The following SH3GLB1 variants were observed in gnomAD, a reference collection of about 807,000 sequenced individuals.
SH3GLB1 encodes the protein SH3 domain containing GRB2 like, endophilin B1.
Under a neutral mutation model 42.0 loss-of-function variants are expected in SH3GLB1, and 17 were observed. That is an observed-to-expected ratio of 0.40 (90% CI 0.28 to 0.61). SH3GLB1 has a LOEUF of 0.61. Ranked by LOEUF, SH3GLB1 falls within the 20% of genes least tolerant of loss-of-function variation. SH3GLB1 has a pLI of 0.36. For missense variants in SH3GLB1, 355 were observed against 426.3 expected (o/e 0.83, Z 1.47); for synonymous variants, 132 against 146.6 (o/e 0.90, Z 0.72).
Position 86,724,388 on chromosome 1 carries a change from G to A in SH3GLB1, c.553G>A (p.Ala185Thr). ...AACGAGACTAAAAAAGGCAAAAGCT[G>A]CAGAAACTAGAAATTCAGTAAGTAA... ...AKTRLKKAKA[A>T]ETRNSSEQEL... is the part of the protein sequence containing the mutation. The change falls in exon 5 of 9, where the codon GCA (alanine) becomes ACA (threonine). Residue 185 changes from alanine to threonine, a missense_variant. Physicochemically the swap from Ala to Thr is moderately conservative, Grantham distance 58. Coordinates refer to ENST00000370558, the MANE Select transcript of SH3GLB1 (RefSeq NM_016009.5). 1 of 1,599,970 alleles carries A rather than the reference G, an allele frequency of 6.3e-7. No homozygotes were observed. Among genetic ancestry groups the A allele is most frequent in the African/African-American group, 1.4e-5 (1 of 73,998 alleles).
chr1:86,711,052 A>G (rs187357811), intron 1 of SH3GLB1, among the ~76,000 whole-genome samples: 1 of 152,348 alleles, frequency 6.6e-6, no homozygotes, highest in African/African-American at 2.4e-5. Context: ...AGAACAGCCA[A>G]AATTGGGAAC....
At chr1:86,717,489 G>A (rs1654601898) in intron 2 of SH3GLB1, among the ~76,000 whole-genome samples, 2 of 151,620 alleles carry the variant, frequency 1.3e-5, no homozygotes, top group South Asian at 4.2e-4. Context: ...GTGTGATCTT[G>A]GTTCACTGCA....
Position 86,745,187 on chromosome 1 carries a change from T to G in SH3GLB1, c.*1952T>G, listed in dbSNP as rs1258711717. On this transcript the variant is annotated 3_prime_UTR_variant, in exon 9 of 9. Coordinates refer to ENST00000370558, the MANE Select transcript of SH3GLB1 (RefSeq NM_016009.5). ...CAGTCTTCCTCACATATTGTGCTCTTTAAGCTTCAAATGAGATGTATAACT... is the reference window on the plus strand; with the variant it reads ...CAGTCTTCCTCACATATTGTGCTCTGTAAGCTTCAAATGAGATGTATAACT... 1 of 152,218 alleles carries G rather than the reference T, an allele frequency of 6.6e-6. No individual in the cohort carries two copies. The highest frequency in any genetic ancestry group is 1.5e-5 in the Non-Finnish European group (1 of 68,042). The allele number at this position is 152,218 out of a possible 1,614,324, so 9.4% of individuals were successfully genotyped here.
At chr1:86,715,156 C>G (rs1322339182) in intron 1 of SH3GLB1, among the ~76,000 whole-genome samples, 2 of 152,068 alleles carry the variant, frequency 1.3e-5, no homozygotes. Context: ...AAGACATAAA[C>G]CACAATAAAC....
intron 5 of SH3GLB1, among the ~76,000 whole-genome samples, chr1:86,733,792 G>C (rs961811508): frequency 6.6e-6 from 1 of 152,134 alleles, no homozygotes; most frequent in Non-Finnish European, 1.5e-5. Context: ...TCTCTTCCCA[G>C]CTCCACAGTG....
intron 1 of SH3GLB1, among the ~76,000 whole-genome samples, chr1:86,714,895 C>T (rs912282318): frequency 1.3e-5 from 2 of 152,154 alleles, no homozygotes; most frequent in African/African-American, 4.8e-5. Context: ...CTTTTTACTG[C>T]TTTATTATTA....
At chr1:86,727,142 C>A (rs1655243444) in intron 5 of SH3GLB1, among the ~76,000 whole-genome samples, 1 of 151,896 alleles carries the variant, frequency 6.6e-6, no homozygotes, top group Non-Finnish European at 1.5e-5. Flanking sequence ...GATGTAAAAT[C>A]TCTGCCGCCC....
chr1:86,736,564 A>G (rs778723629), intron 7 of SH3GLB1, among the ~76,000 whole-genome samples: 3 of 152,222 alleles, frequency 2.0e-5, no homozygotes, highest in Admixed American at 6.5e-5. Context: ...AAGAAGCCTT[A>G]GTACTTTTTT....
intron 5 of SH3GLB1, among the ~76,000 whole-genome samples, chr1:86,729,317 G>A (rs746564516): frequency 6.6e-5 from 10 of 152,060 alleles, no homozygotes; most frequent in Non-Finnish European, 1.3e-4. Flanking sequence ...TAAACCAAAA[G>A]CAGGAAAGTA....
chr1:86,718,694 C>T (rs1654694896), intron 2 of SH3GLB1, among the ~76,000 whole-genome samples: 1 of 152,096 alleles, frequency 6.6e-6, no homozygotes, highest in South Asian at 2.1e-4. Flanking sequence ...AAACTTAAGC[C>T]ATTTTTTCAC....
chr1:86,743,085 T>C, intron 8 of SH3GLB1, 43 bp from the exon 9 acceptor site: 1 of 1,465,316 alleles, frequency 6.8e-7, no homozygotes, highest in Non-Finnish European at 9.5e-7. Context: ...TACTTGTTTA[T>C]TTTTTTAATG....
rs1241045979 is a variant in SH3GLB1 at position 86,747,521 on chromosome 1, A to T, written c.*4286A>T. The T allele has an allele frequency of 1.3e-5, 2 of 152,178 alleles. No homozygotes were observed. Among genetic ancestry groups the T allele is most frequent in the Admixed American group, 6.5e-5 (1 of 15,282 alleles). 9.4% of individuals were successfully genotyped at this position (152,178 alleles called of 1,614,324 possible). ...CTTAACCAACAACAGTGCCCTGTCC[A>T]TGTAGGGGAAACTTCTGGGCTGTAT... is the stretch of plus-strand genomic sequence containing the variant. On this transcript the variant is annotated 3_prime_UTR_variant, in exon 9 of 9. Transcript: ENST00000370558.
At chr1:86,718,740 A>G (rs1654698354) in intron 2 of SH3GLB1, among the ~76,000 whole-genome samples, 2 of 152,246 alleles carry the variant, frequency 1.3e-5, no homozygotes, top group African/African-American at 4.8e-5. Context: ...ACAGCATTGT[A>G]AATGTTAATA....
Position 86,742,436 on chromosome 1 carries a change from G to T in SH3GLB1, c.990G>T (p.Glu330Asp), listed in dbSNP as rs757714891. The T allele has an allele frequency of 4.3e-6, 7 of 1,611,598 alleles. No homozygotes were observed. The highest frequency in any genetic ancestry group is 5.9e-6 in the Non-Finnish European group (7 of 1,177,782). ...NSTELSLLAD[E>D]VITVFSVVGM... Reference sequence around the variant, plus strand: ...CTGAATTATCACTTCTGGCAGATGAGGTGAGTATTGTGGGTATGAGAAGGA... The same window carrying T: ...CTGAATTATCACTTCTGGCAGATGATGTGAGTATTGTGGGTATGAGAAGGA... Residue 330 changes from glutamate (E) to aspartate (D), a missense_variant and splice_region_variant, in exon 8 of 9, where the codon GAG becomes GAT. Glu to Asp is a conservative substitution (Grantham distance 45, BLOSUM62 2). Transcript: ENST00000370558.
chr1:86,721,255 A>G (rs1308139787), intron 3 of SH3GLB1, among the ~76,000 whole-genome samples: 1 of 152,210 alleles, frequency 6.6e-6, no homozygotes, highest in Non-Finnish European at 1.5e-5. Flanking sequence ...TGGGCTAAGC[A>G]TTATATAGTA....
At chr1:86,731,445 C>A (rs1307841124) in intron 5 of SH3GLB1, among the ~76,000 whole-genome samples, 1 of 152,056 alleles carries the variant, frequency 6.6e-6, no homozygotes, top group African/African-American at 2.4e-5. Flanking sequence ...TGCTCTTATC[C>A]CCCCTTTGTG....
chr1:86,729,727 C>T (rs1655402999), intron 5 of SH3GLB1, among the ~76,000 whole-genome samples: 2 of 152,070 alleles, frequency 1.3e-5, no homozygotes, highest in Admixed American at 6.5e-5. Context: ...CCTTGCTTTG[C>T]TTCATTTCCT....
chr1:86,724,904 TATATATATAAA>T (rs1655099359), intron 5 of SH3GLB1, among the ~76,000 whole-genome samples: 1 of 133,100 alleles, frequency 7.5e-6, no homozygotes, highest in African/African-American at 3.0e-5. Context: ...TATATATATA[TATATATATAAA>T]ATATATAATA....
chr1:86,713,530 G>C (rs1034123512), intron 1 of SH3GLB1, among the ~76,000 whole-genome samples: 14 of 152,128 alleles, frequency 9.2e-5, no homozygotes, highest in African/African-American at 3.1e-4. Flanking sequence ...TGTGCAACTG[G>C]AAGATAAATC....
Sources: gnomAD v4.1 joint callset for allele counts (sites outside exome capture counted in the v4.1 genomes callset) on GRCh38, gnomAD v4.1.1 for gene constraint, MANE v1.5 for transcripts, NCBI Gene and HGNC (gene_info 2026-07-23, HGNC 2026-07-21) for gene names.